The following MS4A4A variants were observed in gnomAD, a reference collection of about 807,000 sequenced individuals.
The protein encoded by MS4A4A is membrane-spanning 4-domains subfamily A member 4A.
A neutral mutation model predicts 28.0 loss-of-function variants in MS4A4A; 26 were observed. The observed-to-expected ratio is 0.93, with a 90% CI of 0.68 to 1.29. MS4A4A has a LOEUF of 1.29. Among genes scored for constraint, MS4A4A ranks in the 50% most tolerant of loss-of-function variants. The pLI, the probability that MS4A4A is intolerant of heterozygous loss-of-function variation, is 0.00. For synonymous variants in MS4A4A, 86 were observed against 100.8 expected (o/e 0.85, Z 0.88); for missense variants, 290 against 293.1 (o/e 0.99, Z 0.08).
chr11:60,289,254 A>G (rs1435267473), intron 1 of MS4A4A, among the ~76,000 whole-genome samples: 1 of 152,192 alleles, frequency 6.6e-6, no homozygotes, highest in Non-Finnish European at 1.5e-5. Context: ...TGTGGACTTC[A>G]GGTAGCTCCA....
At chr11:60,299,535 C>T (rs1392723871) in intron 3 of MS4A4A, among the ~76,000 whole-genome samples, 3 of 148,968 alleles carry the variant, frequency 2.0e-5, no homozygotes, top group African/African-American at 4.9e-5. Flanking sequence ...TGCAATGGCA[C>T]GATCTCGGCT....
intron 2 of MS4A4A, among the ~76,000 whole-genome samples, chr11:60,296,312 A>T (rs1357231398): frequency 6.6e-6 from 1 of 151,636 alleles, no homozygotes; most frequent in African/African-American, 2.4e-5. Flanking sequence ...AACTGTATTG[A>T]TGTTCCTTCT....
intron 3 of MS4A4A, among the ~76,000 whole-genome samples, chr11:60,299,136 A>G (rs2084929229): frequency 6.6e-6 from 1 of 152,210 alleles, no homozygotes; most frequent in Non-Finnish European, 1.5e-5. Flanking sequence ...TGTATATATA[A>G]TTTCTGTATA....
chr11:60,294,232 G>A (rs567257435), intron 2 of MS4A4A, among the ~76,000 whole-genome samples: 11 of 152,236 alleles, frequency 7.2e-5, no homozygotes, highest in South Asian at 4.1e-4. Context: ...CTTTTCATGC[G>A]TTTCTTTACC....
At chr11:60,300,945 A>T in intron 3 of MS4A4A, 56 bp from the exon 4 acceptor site, 1 of 1,284,036 alleles carries the variant, frequency 7.8e-7, no homozygotes. Context: ...TTAGTAAGTT[A>T]TGACTCCCAA....
At chr11:60,298,005 G>A (rs925504876) in intron 3 of MS4A4A, among the ~76,000 whole-genome samples, 1 of 150,924 alleles carries the variant, frequency 6.6e-6, no homozygotes, top group Non-Finnish European at 1.5e-5. Context: ...GATATATTTT[G>A]TTTCATAAAT....
chr11:60,306,357 A>G (rs977050040), intron 6 of MS4A4A, among the ~76,000 whole-genome samples, 156 bp downstream of exon 6: 6 of 152,210 alleles, frequency 3.9e-5, no homozygotes, highest in African/African-American at 1.2e-4. Context: ...TCCTTGACTC[A>G]GGATCTTACA....
chr11:60,300,726 A>T (rs1292118335), intron 3 of MS4A4A, among the ~76,000 whole-genome samples: 1 of 151,932 alleles, frequency 6.6e-6, no homozygotes, highest in Non-Finnish European at 1.5e-5. Flanking sequence ...ACTTTGTATC[A>T]GGAGTTTGGA....
chr11:60,289,300 TCTCCAGTAG>T (rs1256774048), intron 1 of MS4A4A, among the ~76,000 whole-genome samples: 44 of 152,018 alleles, frequency 2.9e-4, no homozygotes, highest in Non-Finnish European at 3.5e-4. Context: ...ACTCTAAGTG[TCTCCAGTAG>T]TAAGATTACA....
At chr11:60,303,930 G>C (rs976121361) in intron 5 of MS4A4A, among the ~76,000 whole-genome samples, 8 of 152,148 alleles carry the variant, frequency 5.3e-5, no homozygotes, top group South Asian at 2.1e-4. Context: ...AGTTTTGTGG[G>C]CTATATAATC....
At chr11:60,305,209 T>C (rs2084987373) in intron 5 of MS4A4A, among the ~76,000 whole-genome samples, 2 of 152,256 alleles carry the variant, frequency 1.3e-5, no homozygotes, top group Non-Finnish European at 2.9e-5. Flanking sequence ...TCTGGGCAGA[T>C]GGATTAAAGA....
At chr11:60,290,260 C>T in intron 1 of MS4A4A, 1 of 211,678 alleles carries the variant, frequency 4.7e-6, no homozygotes. Flanking sequence ...ATGTTGTACA[C>T]CTCAGGGGGG....
At chr11:60,299,552 A>G (rs1159773657) in intron 3 of MS4A4A, among the ~76,000 whole-genome samples, 1 of 149,394 alleles carries the variant, frequency 6.7e-6, no homozygotes, top group Non-Finnish European at 1.5e-5. Context: ...GGCTCACTGC[A>G]ACCTCCGCCT....
At chr11:60,294,528 C>A (rs1396076871) in intron 2 of MS4A4A, among the ~76,000 whole-genome samples, 2 of 152,036 alleles carry the variant, frequency 1.3e-5, no homozygotes, top group African/African-American at 2.4e-5. Context: ...AAATTCATCA[C>A]CAAACCCAAG....
intron 1 of MS4A4A, among the ~76,000 whole-genome samples, chr11:60,282,227 A>G (rs2135006109): frequency 6.6e-6 from 1 of 152,344 alleles, no homozygotes; most frequent in Admixed American, 6.5e-5. Flanking sequence ...GAGGCACTAA[A>G]CACAGAGAGA....
intron 6 of MS4A4A, 76 bp from the exon 7 acceptor site, chr11:60,308,031 G>C: frequency 1.6e-6 from 2 of 1,238,626 alleles, no homozygotes; most frequent in African/African-American, 1.5e-5. Flanking sequence ...TGATAATGAT[G>C]ACTTTATGTG....
intron 1 of MS4A4A, among the ~76,000 whole-genome samples, chr11:60,283,025 A>C (rs1282845163): frequency 2.6e-5 from 4 of 152,146 alleles, no homozygotes; most frequent in Non-Finnish European, 5.9e-5. Flanking sequence ...AGAGTTGAAA[A>C]ATGGTTGTGT....
At position 60,302,617 on chromosome 11, in the gene MS4A4A, TAATC is replaced by T. The variant is rs754562424; in HGVS notation, c.449_452del (p.Ile150ThrfsTer31). On this transcript the variant is annotated frameshift_variant, in exon 5 of 7. Transcript: ENST00000337908. LOFTEE classifies it high-confidence loss of function. ...TCTGTACTGGCTGCATCAGGGATCT[TAATC>T]AACACATTTAGCTTGGCGTTTTATT... 83 of 1,614,026 alleles carry T rather than the reference TAATC, an allele frequency of 5.1e-5. No individual in the cohort carries two copies. Among genetic ancestry groups the T allele is most frequent in the Non-Finnish European group, 2.0e-5 (24 of 1,180,018 alleles).
chr11:60,280,740 T>G (rs1358120391), intron 1 of MS4A4A, 24 bp downstream of exon 1: 3 of 1,612,934 alleles, frequency 1.9e-6, no homozygotes, highest in South Asian at 1.1e-5. Context: ...CTTGCCTTCC[T>G]AGGCTTTCGG....
Sources: gnomAD v4.1 joint callset for allele counts (sites outside exome capture counted in the v4.1 genomes callset) on GRCh38, gnomAD v4.1.1 for gene constraint, MANE v1.5 for transcripts, NCBI Gene and HGNC (gene_info 2026-07-23, HGNC 2026-07-21) for gene names.